ANK3: variants seen among roughly 807,000 people sequenced by gnomAD.
ANK3 encodes ankyrin-3.
In ANK3, 57 loss-of-function variants were observed where a neutral mutation model predicts 370.9. The ratio of observed to expected loss-of-function variants is 0.15; its 90% CI spans 0.12 to 0.19. The LOEUF is 0.19. ANK3 is among the 10% of genes least tolerant of loss of function. ANK3 has a pLI of 1.00. For missense variants in ANK3, 4,439 were observed against 5,302.1 expected (o/e 0.84, Z 5.06); for synonymous variants, 1,929 against 1,946.3 (o/e 0.99, Z 0.23).
intron 2 of ANK3, among the ~76,000 whole-genome samples, chr10:60,610,839 G>C (rs1439329914): frequency 6.6e-6 from 1 of 152,134 alleles, no homozygotes; most frequent in Non-Finnish European, 1.5e-5. Flanking sequence ...AAAACAGAGG[G>C]GCAATTGAAA....
chr10:60,532,960 G>A (rs760193879), intron 2 of ANK3, among the ~76,000 whole-genome samples: 2 of 151,678 alleles, frequency 1.3e-5, no homozygotes, highest in Non-Finnish European at 2.9e-5. Flanking sequence ...AAGCCTGCTC[G>A]GGGCTGCAAA....
intron 2 of ANK3, among the ~76,000 whole-genome samples, chr10:60,443,627 G>A (rs1047474206): frequency 6.6e-6 from 1 of 151,834 alleles, no homozygotes; most frequent in African/African-American, 2.4e-5. Context: ...TTTTTCCTAG[G>A]GAATATTGTA....
At chr10:60,315,068 C>T (rs766625104) in intron 1 of ANK3, among the ~76,000 whole-genome samples, 6 of 152,224 alleles carry the variant, frequency 3.9e-5, no homozygotes, top group East Asian at 1.9e-4. Flanking sequence ...TTCCAGTTTA[C>T]GCAGCCCATT....
At chr10:60,655,331 T>C (rs945179927) in intron 1 of ANK3, among the ~76,000 whole-genome samples, 3 of 151,996 alleles carry the variant, frequency 2.0e-5, no homozygotes, top group Admixed American at 6.6e-5. Flanking sequence ...TCTGAAGACC[T>C]TCCAGGGGGA....
intron 2 of ANK3, among the ~76,000 whole-genome samples, chr10:60,475,816 G>A (rs1351817772): frequency 6.6e-6 from 1 of 152,074 alleles, no homozygotes; most frequent in Non-Finnish European, 1.5e-5. Flanking sequence ...TGGTCTCATG[G>A]GACGGAGTCG....
chr10:60,575,401 A>C (rs1292337509), intron 2 of ANK3, among the ~76,000 whole-genome samples: 1 of 152,162 alleles, frequency 6.6e-6, no homozygotes, highest in Non-Finnish European at 1.5e-5. Context: ...AGATCATTTT[A>C]AGAAGGAATT....
At chr10:60,397,145 T>G (rs1456034377) in intron 2 of ANK3, among the ~76,000 whole-genome samples, 6 of 151,736 alleles carry the variant, frequency 4.0e-5, no homozygotes, top group Non-Finnish European at 8.8e-5. Flanking sequence ...GGATCTTATC[T>G]CTAGAGAATG....
chr10:60,449,153 T>C (rs2133034213), intron 2 of ANK3, among the ~76,000 whole-genome samples: 1 of 152,118 alleles, frequency 6.6e-6, no homozygotes, highest in East Asian at 1.9e-4. Context: ...TAGAGGAGAG[T>C]TCCAGGTCCT....
Position 60,166,852 on chromosome 10 carries a change from A to G in ANK3, c.2523T>C (p.Asn841=), listed in dbSNP as rs144773457. The change falls in exon 22 of 44, where the codon AAT becomes AAC. Residue 841 remains asparagine, a synonymous_variant. Coordinates refer to ENST00000280772, the MANE Select transcript of ANK3 (RefSeq NM_020987.5). ...CATCATCAGACATATCAAGAACTTCATTCATCGTTTCTGGAACATTCATTT... is the reference window on the plus strand; with the variant it reads ...CATCATCAGACATATCAAGAACTTCGTTCATCGTTTCTGGAACATTCATTT... ...KHKMNVPETM[N]EVLDMSDDEV... The G allele has an allele frequency of 3.4e-4, 545 of 1,614,034 alleles. 2 individuals are homozygous for G. In the African/African-American group the frequency reaches 6.5e-3, roughly 19 times the overall value.
upstream of ANK3, among the ~76,000 whole-genome samples, chr10:60,393,356 T>C (rs2063151796): frequency 1.3e-5 from 2 of 152,272 alleles, no homozygotes; most frequent in South Asian, 4.2e-4. Flanking sequence ...AAAGTGATTC[T>C]CCCTGCTAAA....
chr10:60,601,236 T>G (rs1368274717), intron 2 of ANK3, among the ~76,000 whole-genome samples: 1 of 150,478 alleles, frequency 6.6e-6, no homozygotes, highest in East Asian at 1.9e-4. Context: ...CTCAAGGAAA[T>G]GGATCTTTAA....
chr10:60,714,060 CCATTATT>C (rs1216074012), intron 1 of ANK3, among the ~76,000 whole-genome samples: 8 of 151,966 alleles, frequency 5.3e-5, no homozygotes, highest in Non-Finnish European at 8.8e-5. Flanking sequence ...AGAGGGGCCA[CCATTATT>C]GATCTCATAA....
At chr10:60,582,049 C>T (rs865934570) in intron 2 of ANK3, among the ~76,000 whole-genome samples, 11 of 152,214 alleles carry the variant, frequency 7.2e-5, no homozygotes, top group African/African-American at 2.6e-4. Context: ...CATATTCTCA[C>T]TCATAAGTGG....
At chr10:60,260,676 G>A (rs1295152494) in intron 7 of ANK3, among the ~76,000 whole-genome samples, 1 of 152,188 alleles carries the variant, frequency 6.6e-6, no homozygotes, top group Non-Finnish European at 1.5e-5. Flanking sequence ...CCTTGTGATA[G>A]TGAGGGAGTT....
intron 1 of ANK3, among the ~76,000 whole-genome samples, chr10:60,304,245 A>T (rs967822545): frequency 2.0e-5 from 2 of 97,924 alleles, no homozygotes; most frequent in Admixed American, 1.4e-4. Context: ...GGTAGATCTT[A>T]ATTGTTCATA....
intron 25 of ANK3, among the ~76,000 whole-genome samples, chr10:60,121,403 T>C (rs56371454): frequency 0.37 from 53,707 of 146,224 alleles, 9,931 homozygotes; most frequent in Admixed American, 0.42. Flanking sequence ...AAAGGAAGAA[T>C]GAATAAAGGC....
At chr10:60,620,918 G>A (rs1052762089) in intron 1 of ANK3, among the ~76,000 whole-genome samples, 6 of 152,120 alleles carry the variant, frequency 3.9e-5, no homozygotes, top group African/African-American at 1.4e-4. Context: ...ACAACGTGAG[G>A]TAGGAATTAG....
chr10:60,053,576 G>GA (rs1258216056), intron 42 of ANK3: 9 of 903,286 alleles, frequency 1.0e-5, no homozygotes, highest in Non-Finnish European at 1.3e-5. Context: ...AATTATCTAG[G>GA]AATTGGTAAA....
At chr10:60,697,865 C>T (rs1482628434) in intron 1 of ANK3, among the ~76,000 whole-genome samples, 1 of 151,472 alleles carries the variant, frequency 6.6e-6, no homozygotes, top group African/African-American at 2.4e-5. Flanking sequence ...ATGTCTAAAA[C>T]ACCAAAAGCA....
Sources: allele counts gnomAD v4.1 joint callset (sites outside exome capture counted in the v4.1 genomes callset), GRCh38; gene constraint gnomAD v4.1.1; transcripts MANE v1.5; gene names NCBI Gene and HGNC (gene_info 2026-07-23, HGNC 2026-07-21).